The following ARHGEF3 variants were observed in gnomAD, a reference collection of about 807,000 sequenced individuals.
The protein encoded by ARHGEF3 is Rho guanine nucleotide exchange factor 3, also known as 59.8 kDA protein.
A neutral mutation model predicts 63.2 loss-of-function variants in ARHGEF3; 28 were observed. That is an observed-to-expected ratio of 0.44 (90% CI 0.33 to 0.61). The LOEUF is 0.61. Ranked by LOEUF, ARHGEF3 falls within the 20% of genes least tolerant of loss-of-function variation. The pLI, the probability that ARHGEF3 is intolerant of heterozygous loss-of-function variation, is 0.03. For synonymous variants in ARHGEF3, 266 were observed against 254.2 expected (o/e 1.05, Z -0.44); for missense variants, 533 against 659.3 (o/e 0.81, Z 2.10).
chr3:56,783,485 A>T (rs924964690), intron 1 of ARHGEF3, among the ~76,000 whole-genome samples: 1 of 152,160 alleles, frequency 6.6e-6, no homozygotes, highest in Non-Finnish European at 1.5e-5. Flanking sequence ...GCAAGTCATT[A>T]CCTTCATTCT....
intron 4 of ARHGEF3, among the ~76,000 whole-genome samples, chr3:56,817,834 A>C (rs573754563): frequency 1.3e-5 from 2 of 152,198 alleles, no homozygotes; most frequent in Non-Finnish European, 2.9e-5. Flanking sequence ...ATAGCGTGTC[A>C]TTGGCCCCAG....
chr3:56,875,399 T>C (rs1406629493), intron 4 of ARHGEF3, among the ~76,000 whole-genome samples: 1 of 152,216 alleles, frequency 6.6e-6, no homozygotes, highest in Non-Finnish European at 1.5e-5. Context: ...TAACTCAATC[T>C]GAGACTCATT....
intron 2 of ARHGEF3, chr3:56,977,487 G>A: frequency 2.8e-6 from 1 of 356,744 alleles, no homozygotes. Context: ...CTGATTCTGG[G>A]ATGCAGCCCT....
At chr3:57,027,069 G>C (rs1703507883) in intron 2 of ARHGEF3, among the ~76,000 whole-genome samples, 1 of 152,214 alleles carries the variant, frequency 6.6e-6, no homozygotes, top group Non-Finnish European at 1.5e-5. Flanking sequence ...TCTGCAGTTG[G>C]TGGGAGAATG....
At chr3:57,057,421 T>C (rs1704991810) in intron 1 of ARHGEF3, among the ~76,000 whole-genome samples, 1 of 152,170 alleles carries the variant, frequency 6.6e-6, no homozygotes, top group African/African-American at 2.4e-5. Context: ...GTTTCTGCAT[T>C]TCTGTTCATG....
At chr3:56,823,363 C>G (rs76132965) in intron 4 of ARHGEF3, among the ~76,000 whole-genome samples, 2,224 of 152,248 alleles carry the variant, frequency 0.015, 40 homozygotes, top group Non-Finnish European at 0.018. Flanking sequence ...CACCAGAAAG[C>G]AGGAGCCCCA....
chr3:57,049,735 G>T (rs1704596348), intron 1 of ARHGEF3, among the ~76,000 whole-genome samples: 1 of 152,204 alleles, frequency 6.6e-6, no homozygotes, highest in South Asian at 2.1e-4. Context: ...GGCTGGGAAG[G>T]CAATTCCAAC....
intron 2 of ARHGEF3, among the ~76,000 whole-genome samples, chr3:56,985,820 G>A (rs1701512734): frequency 6.6e-6 from 1 of 152,122 alleles, no homozygotes; most frequent in Non-Finnish European, 1.5e-5. Context: ...GGATGTAAAT[G>A]GACAACATAC....
intron 2 of ARHGEF3, among the ~76,000 whole-genome samples, chr3:56,995,666 AG>A (rs1701955086): frequency 7.9e-6 from 1 of 127,116 alleles, no homozygotes; most frequent in Non-Finnish European, 1.7e-5. Context: ...AGAGAGAGAG[AG>A]AGAGAATTTT....
At chr3:56,890,451 C>T (rs982496921) in intron 3 of ARHGEF3, among the ~76,000 whole-genome samples, 2 of 152,190 alleles carry the variant, frequency 1.3e-5, no homozygotes, top group Non-Finnish European at 2.9e-5. Context: ...ATTATTATTG[C>T]TACTGCGGTT....
intron 4 of ARHGEF3, among the ~76,000 whole-genome samples, chr3:56,836,271 A>G (rs1458158798): frequency 2.0e-5 from 3 of 152,242 alleles, no homozygotes; most frequent in Non-Finnish European, 4.4e-5. Flanking sequence ...CAGCATTAGC[A>G]TAAGTGTTTC....
At chr3:56,848,586 AG>A (rs769681981) in intron 4 of ARHGEF3, among the ~76,000 whole-genome samples, 9 of 152,222 alleles carry the variant, frequency 5.9e-5, no homozygotes, top group Non-Finnish European at 1.0e-4. Context: ...GTCATTTGGT[AG>A]GGGGTAGGGC....
intron 2 of ARHGEF3, among the ~76,000 whole-genome samples, chr3:56,988,949 A>T (rs2106939317): frequency 1.3e-5 from 2 of 152,278 alleles, no homozygotes; most frequent in African/African-American, 4.8e-5. Context: ...GCAACTCTAA[A>T]AGGGGAAGGT....
chr3:57,024,407 A>G (rs1703385734), intron 2 of ARHGEF3, among the ~76,000 whole-genome samples: 1 of 152,222 alleles, frequency 6.6e-6, no homozygotes, highest in African/African-American at 2.4e-5. Flanking sequence ...CTTAAAAAAA[A>G]AAATCAGAGC....
Position 56,920,592 on chromosome 3 carries a change from A to G in ARHGEF3, c.129+38231T>C, listed in dbSNP as rs56187327. On this transcript the variant is annotated intron_variant, in intron 3 of 12. Coordinates refer to the ARHGEF3 transcript ENST00000338458. The stretch of plus-strand genomic sequence containing the variant: ...AGCAACGATGATTCTTTCCATTTGA[A>G]CTTTATCCTGGTTCCTTAATGTCTT... Among the ~76,000 whole-genome samples the G allele has an allele frequency of 5.1e-3, 784 of 152,332 alleles. 2 individuals are homozygous for G. The highest frequency in any genetic ancestry group is 0.017 in the Middle Eastern group (5 of 292).
At chr3:56,938,084 G>A (rs1698987581) in intron 3 of ARHGEF3, among the ~76,000 whole-genome samples, 1 of 152,200 alleles carries the variant, frequency 6.6e-6, no homozygotes. Context: ...TCAGGTGCTG[G>A]TGGTCCTTGC....
intron 4 of ARHGEF3, among the ~76,000 whole-genome samples, chr3:56,814,968 T>TAAC: frequency 6.6e-6 from 1 of 151,890 alleles, no homozygotes; most frequent in Non-Finnish European, 1.5e-5. Context: ...ATCTCTACAA[T>TAAC]AATAATAACA....
intron 4 of ARHGEF3, among the ~76,000 whole-genome samples, chr3:56,869,262 C>A (rs1480480283): frequency 6.6e-6 from 1 of 152,156 alleles, no homozygotes; most frequent in East Asian, 1.9e-4. Flanking sequence ...AGGAGTTAAT[C>A]CAAACCTGGC....
chr3:56,743,789 T>C (rs752976563), intron 7 of ARHGEF3, among the ~76,000 whole-genome samples: 1 of 152,164 alleles, frequency 6.6e-6, no homozygotes, highest in Non-Finnish European at 1.5e-5. Flanking sequence ...ATGAGCCCTT[T>C]GAATGGTCTG....
Sources: gnomAD v4.1 joint callset for allele counts (sites outside exome capture counted in the v4.1 genomes callset) on GRCh38, gnomAD v4.1.1 for gene constraint, MANE v1.5 for transcripts, NCBI Gene and HGNC (gene_info 2026-07-23, HGNC 2026-07-21) for gene names.